The following SGCD variants were observed in gnomAD, a reference collection of about 807,000 sequenced individuals.
SGCD encodes sarcoglycan delta.
Under a neutral mutation model 36.6 loss-of-function variants are expected in SGCD, and 18 were observed. The ratio of observed to expected loss-of-function variants is 0.49; its 90% CI spans 0.34 to 0.73. The LOEUF is 0.73. Among genes scored for constraint, SGCD ranks in the 30% least tolerant of loss-of-function variants. SGCD has a pLI of 0.01. For missense variants in SGCD, 387 were observed against 346.7 expected, an observed-to-expected ratio of 1.12 and a Z score of -0.92; for synonymous variants, 133 against 130.6, an observed-to-expected ratio of 1.02 and a Z score of -0.12.
intron 3 of SGCD, among the ~76,000 whole-genome samples, chr5:156,421,100 G>C (rs943340460): frequency 2.6e-5 from 4 of 151,842 alleles, no homozygotes; most frequent in African/African-American, 9.7e-5. Flanking sequence ...AAATAATTAA[G>C]AAATGAAAAC....
chr5:156,093,380 C>T (rs776249833), intron 1 of SGCD, among the ~76,000 whole-genome samples: 2 of 152,126 alleles, frequency 1.3e-5, no homozygotes, highest in East Asian at 3.9e-4. Flanking sequence ...TTAACTTTCT[C>T]TTTATATTGA....
chr5:156,246,204 C>T (rs1032135371), intron 3 of SGCD, among the ~76,000 whole-genome samples: 11 of 152,154 alleles, frequency 7.2e-5, no homozygotes, highest in African/African-American at 2.7e-4. Context: ...ACTAAAATCA[C>T]GCTTAATGTT....
chr5:155,908,865 A>G (rs1340338315), intron 1 of SGCD, among the ~76,000 whole-genome samples: 11 of 152,096 alleles, frequency 7.2e-5, no homozygotes, highest in African/African-American at 2.7e-4. Flanking sequence ...ATGGACTTCA[A>G]AAAGCGCAAT....
chr5:155,758,641 A>G, the SGCD span, among the ~76,000 whole-genome samples: 2 of 152,138 alleles, frequency 1.3e-5, no homozygotes, highest in African/African-American at 4.8e-5. Flanking sequence ...CACGAACCGT[A>G]TTGTGAACTG....
At position 156,759,247 on chromosome 5, in the gene SGCD, C is replaced by T; in HGVS notation, c.730C>T (p.Pro244Ser). The change falls in exon 9 of 9, where the codon CCT (proline) becomes TCT (serine). Residue 244 changes from proline (P) to serine (S), a missense_variant. Transcript: ENST00000337851. ...IKLDAAKIRL[P>S]RLPHGSYTPT... is the part of the protein sequence containing the mutation. ...GTTAGATGCTGCGAAAATCAGGCTA[C>T]CTAGACTGCCTCATGGATCCTACAC... is the stretch of plus-strand genomic sequence containing the variant. The T allele has an allele frequency of 1.9e-6, 3 of 1,613,834 alleles. No homozygotes were observed. The highest frequency in any genetic ancestry group is 1.1e-5 in the South Asian group (1 of 91,082).
At chr5:156,584,173 T>C (rs1028667142) in intron 4 of SGCD, among the ~76,000 whole-genome samples, 1 of 152,220 alleles carries the variant, frequency 6.6e-6, no homozygotes, top group Admixed American at 6.5e-5. Flanking sequence ...TCTTTCTCTC[T>C]GTCCCTTAAG....
intron 7 of SGCD, among the ~76,000 whole-genome samples, chr5:156,683,657 C>A (rs960015107): frequency 6.6e-6 from 1 of 152,182 alleles, no homozygotes; most frequent in Non-Finnish European, 1.5e-5. Flanking sequence ...AGCATCTAAA[C>A]CCCTATTCAA....
rs1418644674 is a variant in SGCD, at chr5:156,344,637, C to A, written c.152C>A (p.Ala51Asp). The A allele has an allele frequency of 6.2e-7, 1 of 1,610,422 alleles. No individual in the cohort carries two copies. Among genetic ancestry groups the A allele is most frequent in the Non-Finnish European group, 8.5e-7 (1 of 1,178,354 alleles). Residue 51 changes from alanine (A) to aspartate (D), a missense_variant, in exon 3 of 9, where the codon GCC becomes GAC. By Grantham distance (126) the Ala-to-Asp change is moderately radical. Transcript: ENST00000337851. ...ATGATTTTAATACTGGTGAACTTGGCCATGACCATCTGGATTCTCAAAGTC... is the reference window on the plus strand; with the variant it reads ...ATGATTTTAATACTGGTGAACTTGGACATGACCATCTGGATTCTCAAAGTC... ...LLMILILVNL[A>D]MTIWILKVMN...
intron 3 of SGCD, among the ~76,000 whole-genome samples, chr5:156,425,653 C>T (rs929874608): frequency 1.1e-4 from 16 of 151,646 alleles, no homozygotes; most frequent in Admixed American, 8.6e-4. Flanking sequence ...TTTTGGTGCA[C>T]CCATCACCCG....
chr5:156,252,643 A>G (rs1377812087), intron 3 of SGCD, among the ~76,000 whole-genome samples: 3 of 152,234 alleles, frequency 2.0e-5, no homozygotes, highest in African/African-American at 7.2e-5. Context: ...GAGGAAAGCA[A>G]TAGTGGCCCC....
At chr5:156,587,407 G>A (rs1248573004) in intron 4 of SGCD, among the ~76,000 whole-genome samples, 1 of 152,148 alleles carries the variant, frequency 6.6e-6, no homozygotes, top group Non-Finnish European at 1.5e-5. Flanking sequence ...AGTAACTTCT[G>A]TCAGCCACAT....
intron 3 of SGCD, among the ~76,000 whole-genome samples, chr5:156,134,206 C>T (rs80034015): frequency 0.035 from 5,343 of 152,176 alleles, 307 homozygotes; most frequent in African/African-American, 0.12. Flanking sequence ...AATGTTTACA[C>T]CAGTACACCA....
At chr5:155,854,651 A>G in the SGCD span, among the ~76,000 whole-genome samples, 1 of 152,202 alleles carries the variant, frequency 6.6e-6, no homozygotes, top group African/African-American at 2.4e-5. Context: ...TGGACATTTA[A>G]TAATATTTGA....
At chr5:156,014,330 C>A (rs915711843) in intron 1 of SGCD, among the ~76,000 whole-genome samples, 16 of 152,058 alleles carry the variant, frequency 1.1e-4, no homozygotes, top group African/African-American at 3.9e-4. Context: ...TAATTTTAAA[C>A]CTGCAGAAAA....
chr5:156,638,012 CAATT>C (rs1762894035), intron 6 of SGCD, among the ~76,000 whole-genome samples: 3 of 151,918 alleles, frequency 2.0e-5, no homozygotes, highest in African/African-American at 7.3e-5. Context: ...CTGTGGTCCT[CAATT>C]AATGTTTCAA....
chr5:156,018,019 G>T (rs1274521357), intron 1 of SGCD, among the ~76,000 whole-genome samples: 1 of 151,960 alleles, frequency 6.6e-6, no homozygotes, highest in Non-Finnish European at 1.5e-5. Context: ...AATTATCTGG[G>T]CATGGTGGTG....
intron 3 of SGCD, among the ~76,000 whole-genome samples, chr5:156,374,787 C>G (rs897155029): frequency 2.0e-5 from 3 of 151,390 alleles, no homozygotes; most frequent in Non-Finnish European, 4.4e-5. Flanking sequence ...GCAACACTGT[C>G]TTTTTGCCCC....
At chr5:156,574,256 T>C (rs1449169973) in intron 4 of SGCD, among the ~76,000 whole-genome samples, 1 of 152,196 alleles carries the variant, frequency 6.6e-6, no homozygotes, top group Non-Finnish European at 1.5e-5. Context: ...AAGCAGAAAC[T>C]GACCATATCC....
intron 3 of SGCD, among the ~76,000 whole-genome samples, chr5:156,501,323 A>G (rs1047791632): frequency 6.6e-6 from 1 of 152,216 alleles, no homozygotes; most frequent in African/African-American, 2.4e-5. Flanking sequence ...CTTCATTCTC[A>G]AAATCTCTAA....
Sources: allele counts gnomAD v4.1 joint callset (sites outside exome capture counted in the v4.1 genomes callset), GRCh38; gene constraint gnomAD v4.1.1; transcripts MANE v1.5; gene names NCBI Gene and HGNC (gene_info 2026-07-23, HGNC 2026-07-21).